Variants in TATDN1 observed in about 807,000 individuals in gnomAD.
The protein encoded by TATDN1 is TatD DNase domain containing 1.
TATDN1 carries 40 observed loss-of-function variants against 46.4 expected under a neutral mutation model. The ratio of observed to expected loss-of-function variants is 0.86; its 90% confidence interval spans 0.67 to 1.12. The LOEUF is 1.12. TATDN1 is among the 50% of genes most tolerant of loss of function. The pLI, the probability that TATDN1 is intolerant of heterozygous loss-of-function variation, is 0.00. For missense variants in TATDN1, 326 were observed against 348.4 expected (o/e 0.94, Z 0.51); for synonymous variants, 95 against 105.6 (o/e 0.90, Z 0.62).
intron 9 of TATDN1, among the ~76,000 whole-genome samples, chr8:124,497,473 AGG>A (rs558010132): frequency 6.4e-4 from 97 of 151,796 alleles, no homozygotes; most frequent in African/African-American, 2.3e-3. Flanking sequence ...TTTAGTAGAG[AGG>A]GGGGTTTCAC....
rs1313990318 is a variant in TATDN1, at chr8:124,494,021, T to C, written c.665-62A>G. The C allele has an allele frequency of 2.0e-6, 3 of 1,470,912 alleles. No homozygotes were observed. In the Admixed American group the frequency reaches 7.2e-5, roughly 36 times the overall value. 91.1% of individuals were successfully genotyped at this position (1,470,912 alleles called of 1,614,324 possible). A position where few individuals can be genotyped will look rare whatever the true frequency, so the allele number is the denominator to read the frequency against. ...CATTTTTAAAAATTTTTTATGACCA[T>C]TATCTAATATATAACCTCTAAATGA... On this transcript the variant is annotated intron_variant, in intron 10 of 11. Transcript: ENST00000276692.
intron 1 of TATDN1, among the ~76,000 whole-genome samples, chr8:124,532,765 C>T (rs560043223): frequency 2.8e-4 from 43 of 152,186 alleles, no homozygotes; most frequent in Non-Finnish European, 4.1e-4. Context: ...TTGGGCAGAT[C>T]GGGCAGTTGG....
At chr8:124,526,353 T>C (rs964210983) in intron 1 of TATDN1, among the ~76,000 whole-genome samples, 7 of 152,228 alleles carry the variant, frequency 4.6e-5, no homozygotes, top group African/African-American at 1.4e-4. Flanking sequence ...ATCTTTTAAA[T>C]TAAAAGTCTC....
chr8:124,517,316 T>C (rs1364070588), intron 4 of TATDN1, among the ~76,000 whole-genome samples: 1 of 151,436 alleles, frequency 6.6e-6, no homozygotes, highest in African/African-American at 2.4e-5. Flanking sequence ...TAATCCCAGC[T>C]ACTCAGGAGG....
intron 8 of TATDN1, chr8:124,504,847 A>G (rs143149422): frequency 0.082 from 12,467 of 151,166 alleles, 781 homozygotes; most frequent in South Asian, 0.29. Context: ...CCCTGCTTCA[A>G]GAGATTCTCC....
chr8:124,536,291 G>A (rs1313346521), intron 1 of TATDN1, among the ~76,000 whole-genome samples: 5 of 152,130 alleles, frequency 3.3e-5, no homozygotes, highest in Non-Finnish European at 7.3e-5. Flanking sequence ...GTGGCTCCAC[G>A]TGTAATCCCA....
At chr8:124,531,763 T>C (rs1363628172) in intron 1 of TATDN1, among the ~76,000 whole-genome samples, 20 of 152,284 alleles carry the variant, frequency 1.3e-4, no homozygotes, top group African/African-American at 4.8e-4. Context: ...TGGGTTATAC[T>C]GAGGGTAGAT....
chr8:124,536,122 C>G (rs1821406851), intron 1 of TATDN1, among the ~76,000 whole-genome samples: 1 of 152,120 alleles, frequency 6.6e-6, no homozygotes, highest in African/African-American at 2.4e-5. Context: ...ACTATGTAGT[C>G]TAAGATCAAT....
chr8:124,510,905 C>T, intron 6 of TATDN1, among the ~76,000 whole-genome samples: 1 of 152,110 alleles, frequency 6.6e-6, no homozygotes, highest in East Asian at 1.9e-4. Context: ...AGAAAGGTCC[C>T]TGAAGTCATG....
At chr8:124,490,033 TC>T (rs1437654202) in intron 11 of TATDN1, 1 of 152,148 alleles carries the variant, frequency 6.6e-6, no homozygotes, top group Non-Finnish European at 1.5e-5. Context: ...TAAAAGCAAA[TC>T]TATTAACATT....
intron 4 of TATDN1, among the ~76,000 whole-genome samples, chr8:124,516,994 T>TGGAGAGGAGTG (rs1203510201): frequency 6.6e-6 from 1 of 152,150 alleles, no homozygotes; most frequent in African/African-American, 2.4e-5. Context: ...AGAAGTTACA[T>TGGAGAGGAGTG]GGAGAGGAGT....
intron 6 of TATDN1, among the ~76,000 whole-genome samples, chr8:124,513,939 C>A (rs1819241756): frequency 6.6e-6 from 1 of 152,108 alleles, no homozygotes; most frequent in Non-Finnish European, 1.5e-5. Flanking sequence ...AGTGAGCTGG[C>A]CTACATAATA....
At position 124,533,299 on chromosome 8, in the gene TATDN1, A is replaced by C. The variant is rs908734997; in HGVS notation, c.22+5726T>G. 2.0e-5 allele frequency among the ~76,000 whole-genome samples: 3 copies of C among 152,054 alleles called. No individual in the cohort carries two copies. In the South Asian group the frequency reaches 6.2e-4, roughly 32 times the overall value. ...TAGCTACATTAAGGAGGTTACAGTA[A>C]ATTATGGTTAGGTTAGAAGAGGAGA... On this transcript the variant is annotated intron_variant, in intron 1 of 11. Coordinates refer to ENST00000276692, the MANE Select transcript of TATDN1 (RefSeq NM_032026.4).
chr8:124,492,011 GTC>G (rs1817043918), intron 11 of TATDN1, among the ~76,000 whole-genome samples: 15 of 104,012 alleles, frequency 1.4e-4, no homozygotes, highest in African/African-American at 5.4e-4. Context: ...TTTCACTTTT[GTC>G]TTCCAGGCTA....
chr8:124,535,329 A>G (rs561914909), intron 1 of TATDN1, among the ~76,000 whole-genome samples: 1 of 152,368 alleles, frequency 6.6e-6, no homozygotes, highest in African/African-American at 2.4e-5. Context: ...AATAGCTGCA[A>G]TAGAGATCAC....
intron 8 of TATDN1, among the ~76,000 whole-genome samples, chr8:124,507,144 G>C (rs1022624955): frequency 3.3e-5 from 5 of 151,134 alleles, no homozygotes; most frequent in African/African-American, 1.2e-4. Context: ...CCTGGTGACA[G>C]AGCGAGACTC....
At chr8:124,504,666 A>C (rs1818247743) in intron 8 of TATDN1, 2 of 188,326 alleles carry the variant, frequency 1.1e-5, no homozygotes, top group Non-Finnish European at 1.1e-5. Flanking sequence ...TCTTAGGCAA[A>C]AACATGAGGA....
chr8:124,524,223 A>G (rs1820293019), intron 1 of TATDN1, among the ~76,000 whole-genome samples: 1 of 152,240 alleles, frequency 6.6e-6, no homozygotes, highest in African/African-American at 2.4e-5. Flanking sequence ...TGAAGAGAGT[A>G]TTCCAGGCAT....
intron 1 of TATDN1, among the ~76,000 whole-genome samples, chr8:124,530,846 T>C (rs1180355543): frequency 6.6e-6 from 1 of 152,174 alleles, no homozygotes; most frequent in Non-Finnish European, 1.5e-5. Flanking sequence ...AAGCAGTTTA[T>C]GTTGACTATT....
Sources: gnomAD v4.1 joint callset for allele counts (sites outside exome capture counted in the v4.1 genomes callset) on GRCh38, gnomAD v4.1.1 for gene constraint, MANE v1.5 for transcripts, NCBI Gene and HGNC (gene_info 2026-07-23, HGNC 2026-07-21) for gene names.